Variants in AGPAT4 observed in about 807,000 individuals in gnomAD.
AGPAT4 encodes 1-acylglycerol-3-phosphate O-acyltransferase 4, also known as 1-acyl-sn-glycerol-3-phosphate acyltransferase delta.
In AGPAT4, 15 loss-of-function variants were observed where a neutral mutation model predicts 48.0. That is an observed-to-expected ratio of 0.31 (90% CI 0.21 to 0.48). The LOEUF is 0.48. Among genes scored for constraint, AGPAT4 ranks in the 20% least tolerant of loss-of-function variants. The pLI is 0.99. For synonymous variants in AGPAT4, 178 were observed against 198.7 expected (o/e 0.90, Z 0.88); for missense variants, 314 against 482.5 (o/e 0.65, Z 3.27).
In AGPAT4 at chr6:161,272,991, C is replaced by G. The variant is rs1244444458; in HGVS notation, c.-90+947G>C. Among the ~76,000 whole-genome samples, 1 of 152,148 alleles carries G rather than the reference C, an allele frequency of 6.6e-6. No homozygotes were observed. The highest frequency in any genetic ancestry group is 1.9e-4 in the East Asian group (1 of 5,200). ...AAATAAGTGCAGATGAGAGCAAAGA[C>G]CCATCTTTTAAATATTTAAGCTTTT... On this transcript the variant is annotated intron_variant, in intron 1 of 8. Coordinates refer to ENST00000320285, the MANE Select transcript of AGPAT4 (RefSeq NM_020133.3). The surrounding 1 kb of genome is among the most constrained non-coding windows in gnomAD (Gnocchi z 4.2).
At chr6:161,136,744 A>T in intron 8 of AGPAT4, 110 bp from the exon 9 acceptor site, 3 of 861,606 alleles carry the variant, frequency 3.5e-6, no homozygotes, top group Non-Finnish European at 3.8e-6. Flanking sequence ...GCGCCAGCTC[A>T]GAGCTGGCTG....
rs1778870101 is a variant in AGPAT4, at chr6:161,130,643, A to T, written c.*5897T>A. 1 of 271,562 alleles carries T rather than the reference A, an allele frequency of 3.7e-6. No homozygotes were observed. The highest frequency in any genetic ancestry group is 4.1e-5 in the Admixed American group (1 of 24,322). 16.8% of individuals were successfully genotyped at this position (271,562 alleles called of 1,614,324 possible). On this transcript the variant is annotated 3_prime_UTR_variant, in exon 9 of 9. Coordinates refer to ENST00000320285, the MANE Select transcript of AGPAT4 (RefSeq NM_020133.3). ...GATCTCTTTCCTTGATAGAACAAGC[A>T]AAAGAGGGGCTGATCCATCTCCCGT...
At chr6:161,150,247 G>A (rs1232671199) in intron 5 of AGPAT4, among the ~76,000 whole-genome samples, 1 of 152,218 alleles carries the variant, frequency 6.6e-6, no homozygotes, top group Non-Finnish European at 1.5e-5. Flanking sequence ...CCAGACGGTA[G>A]GAGGAACGGG....
rs1273015881 is a variant in AGPAT4 at position 161,165,253 on chromosome 6, C to T, written c.348+995G>A. On this transcript the variant is annotated intron_variant, in intron 3 of 8. Coordinates refer to ENST00000320285, the MANE Select transcript of AGPAT4 (RefSeq NM_020133.3). The surrounding 1 kb of genome is among the most constrained non-coding windows in gnomAD (Gnocchi z 5.5). Reference sequence around the variant, plus strand: ...CACACAAGAAGATATCAAGTTAGCACTGGGAGAATAAATAGGAAAACAAAA... The same window carrying T: ...CACACAAGAAGATATCAAGTTAGCATTGGGAGAATAAATAGGAAAACAAAA... 6.6e-6 allele frequency among the ~76,000 whole-genome samples: 1 copy of T among 152,176 alleles called. No homozygotes were observed. Among genetic ancestry groups the T allele is most frequent in the Non-Finnish European group, 1.5e-5 (1 of 68,040 alleles).
chr6:161,193,101 C>T (rs554571873), intron 2 of AGPAT4, among the ~76,000 whole-genome samples: 17 of 152,290 alleles, frequency 1.1e-4, no homozygotes, highest in Admixed American at 9.1e-4. Flanking sequence ...GCCATTGTCT[C>T]TTCAAATACT....
At position 161,157,251 on chromosome 6, in the gene AGPAT4, G is replaced by A. The variant is rs1583288089; in HGVS notation, c.349-2941C>T. 2.6e-5 allele frequency among the ~76,000 whole-genome samples: 4 copies of A among 152,342 alleles called. No homozygotes were observed. In the East Asian group the frequency reaches 7.7e-4, roughly 29 times the overall value. The stretch of plus-strand genomic sequence containing the variant: ...GTAACAATGTCACTTTTAAGAAGGG[G>A]CTGACATCAGCATGCTTTCGCCATC... On this transcript the variant is annotated intron_variant, in intron 3 of 8. Transcript: ENST00000320285.
rs529201130 is a variant in AGPAT4, at chr6:161,196,381, G to T, written c.179-29964C>A. On this transcript the variant is annotated intron_variant, in intron 2 of 8. Transcript: ENST00000320285. This position sits in a 1 kb window ranked among gnomAD's most constrained non-coding sequence, Gnocchi z 4.3. ...TAAGTCACATCAAATAACACCTAGT[G>T]CCTGGGTTGGGGATGATTAAGTCAG... is the stretch of plus-strand genomic sequence containing the variant. Among the ~76,000 whole-genome samples the T allele has an allele frequency of 8.5e-5, 13 of 152,296 alleles. No individual in the cohort carries two copies. In the South Asian group the frequency reaches 2.7e-3, roughly 32 times the overall value.
At chr6:161,257,194 G>A (rs116998820) in intron 1 of AGPAT4, among the ~76,000 whole-genome samples, 7,747 of 152,208 alleles carry the variant, frequency 0.051, 280 homozygotes, top group Middle Eastern at 0.068. Flanking sequence ...TCCATCACCC[G>A]GTGAATAAAG....
chr6:161,264,014 G>A lies in AGPAT4; in HGVS notation c.-90+9924C>T, dbSNP rs1447053048. Among the ~76,000 whole-genome samples the A allele has an allele frequency of 1.3e-5, 2 of 152,064 alleles. No homozygotes were observed. Among genetic ancestry groups the A allele is most frequent in the Non-Finnish European group, 2.9e-5 (2 of 68,028 alleles). Reference sequence around the variant, plus strand: ...TCAAATTAGATTAGAGAAAATAATTGGCAACCCACAGGGCTGGGGGCAAGC... The same window carrying A: ...TCAAATTAGATTAGAGAAAATAATTAGCAACCCACAGGGCTGGGGGCAAGC... On this transcript the variant is annotated intron_variant, in intron 1 of 8. Transcript: ENST00000320285. This position sits in a 1 kb window ranked among gnomAD's most constrained non-coding sequence, Gnocchi z 6.8.
Position 161,164,804 on chromosome 6 carries a change from C to T in AGPAT4, c.348+1444G>A, listed in dbSNP as rs1020826016. Among the ~76,000 whole-genome samples the T allele has an allele frequency of 6.6e-6, 1 of 152,222 alleles. No homozygotes were observed. The highest frequency in any genetic ancestry group is 2.1e-4 in the South Asian group (1 of 4,832). On this transcript the variant is annotated intron_variant, in intron 3 of 8. Coordinates refer to ENST00000320285, the MANE Select transcript of AGPAT4 (RefSeq NM_020133.3). This position sits in a 1 kb window ranked among gnomAD's most constrained non-coding sequence, Gnocchi z 7.4. ...CAAGTTCAATGGGCCTTCTGCTCTACCTCAGAGACTCCTGGTCCACGAATT... is the reference window on the plus strand; with the variant it reads ...CAAGTTCAATGGGCCTTCTGCTCTATCTCAGAGACTCCTGGTCCACGAATT...
rs908114180 is a variant in AGPAT4 at position 161,226,790 on chromosome 6, G to A, written c.178+5246C>T. Among the ~76,000 whole-genome samples the A allele has an allele frequency of 4.6e-5, 7 of 152,224 alleles. No homozygotes were observed. The highest frequency in any genetic ancestry group is 4.2e-4 in the South Asian group (2 of 4,806). On this transcript the variant is annotated intron_variant, in intron 2 of 8. Transcript: ENST00000320285. The surrounding 1 kb of genome is among the most constrained non-coding windows in gnomAD (Gnocchi z 6.3). ...GCCACCTTGCCTTCCCTGTGCTGCC[G>A]GGCAGGAGGGTCTGCAGGCAGAAGG...
chr6:161,200,918 T>G lies in AGPAT4; in HGVS notation c.178+31118A>C, dbSNP rs1375552140. ...TCCCAATCACACTTTGCATTTTGGC[T>G]GGAGCTAAAACAACACATTTCAGCC... On this transcript the variant is annotated intron_variant, in intron 2 of 8. Coordinates refer to ENST00000320285, the MANE Select transcript of AGPAT4 (RefSeq NM_020133.3). The surrounding 1 kb of genome is among the most constrained non-coding windows in gnomAD (Gnocchi z 5.5). 6.6e-6 allele frequency among the ~76,000 whole-genome samples: 1 copy of G among 152,250 alleles called. No homozygotes were observed. The highest frequency in any genetic ancestry group is 1.5e-5 in the Non-Finnish European group (1 of 68,040).
chr6:161,172,892 T>C (rs1780313199), intron 2 of AGPAT4, among the ~76,000 whole-genome samples: 1 of 150,198 alleles, frequency 6.7e-6, no homozygotes, highest in Non-Finnish European at 1.5e-5. Context: ...GAACATGCAG[T>C]GTTTGGTTTT....
chr6:161,140,688 G>A lies in AGPAT4; in HGVS notation c.844-1068C>T, dbSNP rs1160842746. On this transcript the variant is annotated intron_variant, in intron 7 of 8. Transcript: ENST00000320285. This position sits in a 1 kb window ranked among gnomAD's most constrained non-coding sequence, Gnocchi z 6.5. ...GACCTGGGGGGAACAAGGAGCTGTG[G>A]CACCAGGATGCCCGCTGGCCCGTCT... is the stretch of plus-strand genomic sequence containing the variant. Among the ~76,000 whole-genome samples, 2 of 152,216 alleles carry A rather than the reference G, an allele frequency of 1.3e-5. No individual in the cohort carries two copies. The highest frequency in any genetic ancestry group is 2.9e-5 in the Non-Finnish European group (2 of 68,032).
At chr6:161,207,004 T>A (rs555663957) in intron 2 of AGPAT4, among the ~76,000 whole-genome samples, 1 of 152,282 alleles carries the variant, frequency 6.6e-6, no homozygotes, top group Non-Finnish European at 1.5e-5. Context: ...AAATAGTCCT[T>A]TCAGTTATCT....
At chr6:161,192,081 T>C in intron 2 of AGPAT4, among the ~76,000 whole-genome samples, 1 of 149,706 alleles carries the variant, frequency 6.7e-6, no homozygotes, top group Admixed American at 6.7e-5. Flanking sequence ...CTTTCTTCTC[T>C]CTTCCTTCTC....
At chr6:161,192,748 GC>G (rs1402477808) in intron 2 of AGPAT4, among the ~76,000 whole-genome samples, 2 of 152,078 alleles carry the variant, frequency 1.3e-5, no homozygotes, top group Non-Finnish European at 2.9e-5. Flanking sequence ...TGTTTATTTT[GC>G]CATTATTCTT....
At chr6:161,167,382 TGCCCA>T (rs911057731) in intron 2 of AGPAT4, among the ~76,000 whole-genome samples, 1 of 152,116 alleles carries the variant, frequency 6.6e-6, no homozygotes, top group African/African-American at 2.4e-5. Flanking sequence ...TGCACCACCA[TGCCCA>T]GCTAATTTTT....
In AGPAT4 at chr6:161,234,876, T is replaced by A. The variant is rs1016654137; in HGVS notation, c.-89-2574A>T. On this transcript the variant is annotated intron_variant, in intron 1 of 8. Coordinates refer to ENST00000320285, the MANE Select transcript of AGPAT4 (RefSeq NM_020133.3). This position sits in a 1 kb window ranked among gnomAD's most constrained non-coding sequence, Gnocchi z 4.4. ...GGCATTAGGAAGAAAAATTAAGAAT[T>A]CTTTTTTCCTTATAAAATTTCAAGG... Among the ~76,000 whole-genome samples the A allele has an allele frequency of 1.3e-5, 2 of 152,076 alleles. No homozygotes were observed. The highest frequency in any genetic ancestry group is 2.1e-4 in the South Asian group (1 of 4,826).
Sources: allele counts gnomAD v4.1 joint callset (sites outside exome capture counted in the v4.1 genomes callset), GRCh38; gene constraint gnomAD v4.1.1; non-coding constraint Gnocchi (gnomAD v3.1); transcripts MANE v1.5; gene names NCBI Gene and HGNC (gene_info 2026-07-23, HGNC 2026-07-21).